The following KMT2A variants were observed in gnomAD, a reference collection of about 807,000 sequenced individuals.
The protein encoded by KMT2A is lysine methyltransferase 2A.
A neutral mutation model predicts 345.3 loss-of-function variants in KMT2A; 16 were observed. That is an observed-to-expected ratio of 0.05 (90% CI 0.03 to 0.07). The LOEUF (loss-of-function observed/expected upper bound fraction) is 0.07. KMT2A is among the 10% of genes least tolerant of loss of function. KMT2A has a pLI of 1.00. For missense variants in KMT2A, 3,272 were observed against 4,841.6 expected (o/e 0.68, Z 9.62); for synonymous variants, 1,599 against 1,778.6 (o/e 0.90, Z 2.54).
At chr11:118,509,605 T>C (rs1555049539) in intron 29 of KMT2A, among the ~76,000 whole-genome samples, 2 of 152,234 alleles carry the variant, frequency 1.3e-5, no homozygotes, top group African/African-American at 4.8e-5. Context: ...TCAGTTCTAA[T>C]GAATTTGATT....
intron 2 of KMT2A, among the ~76,000 whole-genome samples, chr11:118,469,523 A>C (rs1555034978): frequency 6.6e-6 from 1 of 152,234 alleles, no homozygotes; most frequent in African/African-American, 2.4e-5. Flanking sequence ...AATATCTAGA[A>C]TATCTTGAAA....
chr11:118,488,509 T>C (rs1272311343), intron 10 of KMT2A, 105 bp from the exon 11 acceptor site: 3 of 1,062,974 alleles, frequency 2.8e-6, no homozygotes, highest in Non-Finnish European at 4.4e-6. Flanking sequence ...ATTAAATATA[T>C]GCCAGTGGAC....
chr11:118,455,667 ATTAT>A (rs1165986679), intron 1 of KMT2A, among the ~76,000 whole-genome samples: 4 of 148,524 alleles, frequency 2.7e-5, no homozygotes, highest in Non-Finnish European at 6.0e-5. Flanking sequence ...CCTTATTATT[ATTAT>A]TTTTTTTTAT....
At chr11:118,453,655 G>T (rs1266594224) in intron 1 of KMT2A, among the ~76,000 whole-genome samples, 11 of 152,120 alleles carry the variant, frequency 7.2e-5, no homozygotes, top group African/African-American at 2.4e-4. Context: ...TGTATAGCCT[G>T]CTGCCAATTT....
Position 118,480,245 on chromosome 11 carries a change from T to C in KMT2A, c.3634+7T>C. On this transcript the variant is annotated splice_region_variant and intron_variant, in intron 6 of 35. Coordinates refer to ENST00000534358, the MANE Select transcript of KMT2A (RefSeq NM_001197104.2). ...CTGCAGAAGCAAGCTAAAGGTAGTGTTGTTAAAAAGGTCTTCCCCCAAATG... is the reference window on the plus strand; with the variant it reads ...CTGCAGAAGCAAGCTAAAGGTAGTGCTGTTAAAAAGGTCTTCCCCCAAATG... The C allele has an allele frequency of 6.2e-7, 1 of 1,612,034 alleles. No individual in the cohort carries two copies.
chr11:118,446,130 C>T (rs919247514), intron 1 of KMT2A, among the ~76,000 whole-genome samples: 1 of 152,056 alleles, frequency 6.6e-6, no homozygotes, highest in Non-Finnish European at 1.5e-5. Context: ...AGGCAGATCA[C>T]TTGAGGTCAG....
At chr11:118,457,257 C>CTTT (rs782636684) in intron 1 of KMT2A, among the ~76,000 whole-genome samples, 8 of 89,072 alleles carry the variant, frequency 9.0e-5, no homozygotes, top group South Asian at 6.2e-4. Context: ...CACCTCCTGC[C>CTTT]TTTTTTTTTT....
chr11:118,436,932 C>T lies in KMT2A; in HGVS notation c.420C>T (p.Gly140=), dbSNP rs1555138821. The change falls in exon 1 of 36, where the codon GGC becomes GGT. Residue 140 remains glycine, a synonymous_variant. Coordinates refer to ENST00000534358, the MANE Select transcript of KMT2A (RefSeq NM_001197104.2). The surrounding 1 kb of genome is among the most constrained non-coding windows in gnomAD (Gnocchi z 6.9). ...TGTTTGGGGAGAGCGGCGGGGGAGG[C>T]GGCAGCGGAGAGGTAAGGGGGCGAG... ...RAVFGESGGG[G]GSGEDEQFLG... 1 of 1,536,078 alleles carries T rather than the reference C, an allele frequency of 6.5e-7. No individual in the cohort carries two copies.
Position 118,496,467 on chromosome 11 carries a change from AACTT to A in KMT2A, c.5664+106_5664+109del, listed in dbSNP as rs1950411039. 1.4e-6 allele frequency: 1 copy of A among 730,352 alleles called. No homozygotes were observed. The allele number at this position is 730,352 out of a possible 1,614,324, so 45.2% of individuals were successfully genotyped here. ...ATGACTGGGTGCCATTTATTTAATG[AACTT>A]ACTTATAACTTACTAATTTATAACT... On this transcript the variant is annotated intron_variant, in intron 20 of 35. Transcript: ENST00000534358. The surrounding 1 kb of genome is among the most constrained non-coding windows in gnomAD (Gnocchi z 4.7).
Position 118,496,153 on chromosome 11 carries a change from C to T in KMT2A, c.5558-108C>T. 1 of 855,218 alleles carries T rather than the reference C, an allele frequency of 1.2e-6. No homozygotes were observed. The highest frequency in any genetic ancestry group is 1.5e-5 in the South Asian group (1 of 66,534). 53.0% of individuals were successfully genotyped at this position (855,218 alleles called of 1,614,324 possible). The stretch of plus-strand genomic sequence containing the variant: ...TTTTGAAAAGTGGTTATTTTATAGG[C>T]TGTGGGCTATGTAAGCTGAATTATT... On this transcript the variant is annotated intron_variant, in intron 19 of 35. Transcript: ENST00000534358. The surrounding 1 kb of genome is among the most constrained non-coding windows in gnomAD (Gnocchi z 4.7).
At chr11:118,437,059 A>G in intron 1 of KMT2A, 115 bp downstream of exon 1, 1 of 1,234,182 alleles carries the variant, frequency 8.1e-7, no homozygotes, top group Non-Finnish European at 1.1e-6. Flanking sequence ...GGGGTCCCTG[A>G]CCCGGGGCGA....
intron 31 of KMT2A, among the ~76,000 whole-genome samples, chr11:118,513,942 A>G (rs531555284): frequency 6.6e-6 from 1 of 150,494 alleles, no homozygotes; most frequent in Admixed American, 6.6e-5. Flanking sequence ...TGTCTCAAAA[A>G]AAAAAAAAAA....
intron 1 of KMT2A, among the ~76,000 whole-genome samples, chr11:118,462,647 C>T (rs1246993333): frequency 6.6e-6 from 1 of 152,184 alleles, no homozygotes; most frequent in Non-Finnish European, 1.5e-5. Context: ...CAGGCTCCGC[C>T]TCCCGGGTTC....
At position 118,468,783 on chromosome 11, in the gene KMT2A, A is replaced by G. The variant is rs782656966; in HGVS notation, c.441A>G (p.Gln147=). ...GGGGGSGEDE[Q]FLGFGSDEEV... is the part of the protein sequence containing the mutation. Reference sequence around the variant, plus strand: ...ATTTTCCTTTGTTGTAGGATGAGCAATTCTTAGGTTTTGGCTCAGATGAAG... The same window carrying G: ...ATTTTCCTTTGTTGTAGGATGAGCAGTTCTTAGGTTTTGGCTCAGATGAAG... Residue 147 remains glutamine (Q), a synonymous_variant, in exon 2 of 36, where the codon CAA becomes CAG. Transcript: ENST00000534358. The G allele has an allele frequency of 1.9e-5, 30 of 1,612,444 alleles. No homozygotes were observed. In the Middle Eastern group the frequency reaches 6.6e-4, roughly 35 times the overall value.
chr11:118,436,518 G>T lies in KMT2A; in HGVS notation c.6G>T (p.Ala2=). Reference sequence around the variant, plus strand: ...CTTCACTTCACGGGGCGAACATGGCGCACAGCTGTCGGTGGCGCTTCCCCG... The same window carrying T: ...CTTCACTTCACGGGGCGAACATGGCTCACAGCTGTCGGTGGCGCTTCCCCG... M[A]HSCRWRFPAR... Residue 2 remains alanine (A), a synonymous_variant, in exon 1 of 36, where the codon GCG becomes GCT. Transcript: ENST00000534358. The surrounding 1 kb of genome is among the most constrained non-coding windows in gnomAD (Gnocchi z 6.9). The T allele has an allele frequency of 7.9e-7, 1 of 1,263,948 alleles. No homozygotes were observed. The highest frequency in any genetic ancestry group is 1.0e-6 in the Non-Finnish European group (1 of 994,204). 78.3% of individuals were successfully genotyped at this position (1,263,948 alleles called of 1,614,324 possible). A position where few individuals can be genotyped will look rare whatever the true frequency, so the allele number is the denominator to read the frequency against.
chr11:118,442,489 A>T (rs573709036), intron 1 of KMT2A, among the ~76,000 whole-genome samples: 1 of 152,208 alleles, frequency 6.6e-6, no homozygotes, highest in Non-Finnish European at 1.5e-5. Flanking sequence ...ATGAAACTTG[A>T]TGAGTAAAAT....
Position 118,472,679 on chromosome 11 carries a change from C to T in KMT2A, c.1520C>T (p.Pro507Leu). The change falls in exon 3 of 36, where the codon CCT becomes CTT. Residue 507 changes from proline (P) to leucine (L), a missense_variant. Pro to Leu is a moderately conservative substitution (Grantham distance 98, BLOSUM62 -3). Transcript: ENST00000534358. The stretch of plus-strand genomic sequence containing the variant: ...CTTCCTGAGGAGCGGAGCGATACCC[C>T]TGAAGTTCATCCTCCACTGCCCATT... Reference protein sequence around the residue: ...QVLPEERSDTPEVHPPLPISQ... With the variant: ...QVLPEERSDTLEVHPPLPISQ... The T allele has an allele frequency of 3.1e-6, 5 of 1,613,268 alleles. No homozygotes were observed. The highest frequency in any genetic ancestry group is 3.4e-6 in the Non-Finnish European group (4 of 1,179,892).
At chr11:118,452,438 G>A (rs1555029272) in intron 1 of KMT2A, among the ~76,000 whole-genome samples, 1 of 152,086 alleles carries the variant, frequency 6.6e-6, no homozygotes, top group African/African-American at 2.4e-5. Flanking sequence ...AGACTGAGAT[G>A]GGAGCATCAC....
rs1950987854 is a variant in KMT2A at position 118,522,322 on chromosome 11, C to T, written c.*150C>T. 6.0e-6 allele frequency: 4 copies of T among 669,904 alleles called. No individual in the cohort carries two copies. In the East Asian group the frequency reaches 1.1e-4, roughly 18 times the overall value. 41.5% of individuals were successfully genotyped at this position (669,904 alleles called of 1,614,324 possible). A position where few individuals can be genotyped will look rare whatever the true frequency, so the allele number is the denominator to read the frequency against. On this transcript the variant is annotated 3_prime_UTR_variant, in exon 36 of 36. Coordinates refer to ENST00000534358, the MANE Select transcript of KMT2A (RefSeq NM_001197104.2). The surrounding 1 kb of genome is among the most constrained non-coding windows in gnomAD (Gnocchi z 5.4). ...GCTGAGCTCTCTTATGTCCTATACT[C>T]ACATCAGACATGTGATCATAGTCCC...
Sources: gnomAD v4.1 joint callset for allele counts (sites outside exome capture counted in the v4.1 genomes callset) on GRCh38, gnomAD v4.1.1 for gene constraint, Gnocchi (gnomAD v3.1) non-coding constraint, MANE v1.5 for transcripts, NCBI Gene and HGNC (gene_info 2026-07-23, HGNC 2026-07-21) for gene names.